Variants in TBCA observed in about 807,000 individuals in gnomAD.
The protein encoded by TBCA is tubulin-specific chaperone A.
In TBCA, 6 loss-of-function variants were observed where a neutral mutation model predicts 15.8. The observed-to-expected ratio is 0.38, with a 90% CI of 0.21 to 0.75. The LOEUF is 0.75. TBCA is among the 30% of genes least tolerant of loss of function. TBCA has a pLI of 0.46. For missense variants in TBCA, 90 were observed against 131.2 expected, an observed-to-expected ratio of 0.69 and a Z score of 1.53; for synonymous variants, 32 against 42.3, an observed-to-expected ratio of 0.76 and a Z score of 0.94.
intron 2 of TBCA, among the ~76,000 whole-genome samples, chr5:77,696,292 T>C (rs555834717): frequency 1.3e-5 from 2 of 152,302 alleles, no homozygotes; most frequent in African/African-American, 4.8e-5. Context: ...AATCCAGAGA[T>C]TACTGGAATA....
At chr5:77,699,848 A>G (rs1303097567) in intron 2 of TBCA, among the ~76,000 whole-genome samples, 2 of 151,818 alleles carry the variant, frequency 1.3e-5, no homozygotes, top group Non-Finnish European at 2.9e-5. Flanking sequence ...GACCAGCCTG[A>G]CCAACACGGT....
At chr5:77,707,298 A>C (rs1184374030) in intron 2 of TBCA, among the ~76,000 whole-genome samples, 1 of 152,182 alleles carries the variant, frequency 6.6e-6, no homozygotes, top group African/African-American at 2.4e-5. Flanking sequence ...GGAATTATGA[A>C]GCAAGTGTCA....
intron 1 of TBCA, among the ~76,000 whole-genome samples, chr5:77,731,612 A>G (rs1288797045): frequency 6.6e-6 from 1 of 152,116 alleles, no homozygotes; most frequent in Non-Finnish European, 1.5e-5. Context: ...AGCTCTCTCT[A>G]TATTCCGTAT....
intron 1 of TBCA, among the ~76,000 whole-genome samples, chr5:77,727,043 C>T (rs1185366679): frequency 6.6e-6 from 1 of 151,778 alleles, no homozygotes; most frequent in Non-Finnish European, 1.5e-5. Flanking sequence ...AACAATGTAT[C>T]CCTCTTGAAG....
intron 1 of TBCA, among the ~76,000 whole-genome samples, chr5:77,761,711 T>G (rs961234654): frequency 1.5e-4 from 23 of 152,010 alleles, no homozygotes; most frequent in African/African-American, 4.3e-4. Context: ...TTTTTTTTTT[T>G]GGCTAGTGTA....
At chr5:77,768,438 C>T (rs1454793877) in intron 1 of TBCA, among the ~76,000 whole-genome samples, 1 of 152,102 alleles carries the variant, frequency 6.6e-6, no homozygotes, top group African/African-American at 2.4e-5. Context: ...GCCTGGGAGC[C>T]CATCTATTTA....
At chr5:77,740,499 C>T (rs546170186) in intron 1 of TBCA, among the ~76,000 whole-genome samples, 3 of 152,122 alleles carry the variant, frequency 2.0e-5, no homozygotes, top group Admixed American at 2.0e-4. Flanking sequence ...GCAGGAGAAG[C>T]CAAAGATAAC....
rs1580131368 is a variant in TBCA at position 77,756,254 on chromosome 5, C to A, written c.53+19951G>T. Among the ~76,000 whole-genome samples, 4 of 152,246 alleles carry A rather than the reference C, an allele frequency of 2.6e-5. No homozygotes were observed. The South Asian group carries it at 8.3e-4, about 32-fold the overall frequency. On this transcript the variant is annotated intron_variant, in intron 1 of 3. Coordinates refer to ENST00000380377, the MANE Select transcript of TBCA (RefSeq NM_004607.3). ...TTTCTCTCCAGAGGTCTAGCACCTT[C>A]CAGAGGGCTCAAAGTGCAGAGTGAC...
intron 2 of TBCA, among the ~76,000 whole-genome samples, chr5:77,704,012 A>C (rs1746087797): frequency 6.6e-6 from 1 of 152,134 alleles, no homozygotes; most frequent in African/African-American, 2.4e-5. Context: ...CCTTGTGAAG[A>C]AGGTGCTTGC....
At chr5:77,770,432 T>A (rs149753709) in intron 1 of TBCA, among the ~76,000 whole-genome samples, 1 of 152,302 alleles carries the variant, frequency 6.6e-6, no homozygotes, top group Non-Finnish European at 1.5e-5. Context: ...CAGAGCTATG[T>A]TAGCTAGTTA....
intron 1 of TBCA, among the ~76,000 whole-genome samples, chr5:77,772,400 T>C (rs541288520): frequency 1.8e-4 from 27 of 152,172 alleles, no homozygotes; most frequent in African/African-American, 6.0e-4. Context: ...AGGTGCAGCA[T>C]ATCACCATGG....
intron 1 of TBCA, among the ~76,000 whole-genome samples, chr5:77,737,831 A>T (rs1052387836): frequency 6.6e-6 from 1 of 152,142 alleles, no homozygotes; most frequent in Non-Finnish European, 1.5e-5. Flanking sequence ...ATTTCTCTTC[A>T]CTTTACTGAT....
intron 1 of TBCA, among the ~76,000 whole-genome samples, chr5:77,727,557 T>C (rs1746658173): frequency 6.6e-6 from 1 of 152,170 alleles, no homozygotes; most frequent in Admixed American, 6.5e-5. Context: ...ATTATCAGCC[T>C]AAATCTATTG....
chr5:77,764,426 A>T (rs13167248), intron 1 of TBCA, among the ~76,000 whole-genome samples: 1 of 152,158 alleles, frequency 6.6e-6, no homozygotes, highest in Non-Finnish European at 1.5e-5. Flanking sequence ...AGATTAATTC[A>T]GTTCTACACA....
chr5:77,764,163 A>C (rs1296638371), intron 1 of TBCA, among the ~76,000 whole-genome samples: 1 of 152,212 alleles, frequency 6.6e-6, no homozygotes, highest in Non-Finnish European at 1.5e-5. Context: ...AAAGTAAATG[A>C]CACGTTTTAG....
rs1418452391 is a variant in TBCA at position 77,729,787 on chromosome 5, C to T, written c.54-21440G>A. Among the ~76,000 whole-genome samples, 8 of 152,224 alleles carry T rather than the reference C, an allele frequency of 5.3e-5. No individual in the cohort carries two copies. In the East Asian group the frequency reaches 1.5e-3, roughly 29 times the overall value. The stretch of plus-strand genomic sequence containing the variant: ...CTTATTCTGTCATTCCACTATTGAC[C>T]AATCTTCCTTCATGTTAGTTAATAC... On this transcript the variant is annotated intron_variant, in intron 1 of 3. Transcript: ENST00000380377.
intron 1 of TBCA, among the ~76,000 whole-genome samples, chr5:77,718,359 A>C (rs151140127): frequency 6.6e-6 from 1 of 152,358 alleles, no homozygotes; most frequent in African/African-American, 2.4e-5. Context: ...ATAGACCATT[A>C]TGGGGTAAGA....
intron 1 of TBCA, among the ~76,000 whole-genome samples, chr5:77,760,943 C>T (rs1580134801): frequency 1.8e-5 from 2 of 109,762 alleles, no homozygotes; most frequent in East Asian, 5.5e-4. Context: ...GGGAGGAGCA[C>T]CTCTGCCCGG....
intron 2 of TBCA, among the ~76,000 whole-genome samples, chr5:77,693,967 A>T: frequency 6.6e-6 from 1 of 152,212 alleles, no homozygotes. Flanking sequence ...AGGCTATTTA[A>T]AATAAACTAT....
Sources: gnomAD v4.1 joint callset for allele counts (sites outside exome capture counted in the v4.1 genomes callset) on GRCh38, gnomAD v4.1.1 for gene constraint, MANE v1.5 for transcripts, NCBI Gene and HGNC (gene_info 2026-07-23, HGNC 2026-07-21) for gene names.